PAM: variants seen among roughly 807,000 people sequenced by gnomAD.
The protein encoded by PAM is peptidylglycine alpha-amidating monooxygenase.
PAM carries 72 observed loss-of-function variants against 122.1 expected under a neutral mutation model. The ratio of observed to expected loss-of-function variants is 0.59; its 90% confidence interval spans 0.49 to 0.72. PAM has a LOEUF of 0.72. PAM is among the 30% of genes least tolerant of loss of function. The pLI is 0.00. For missense variants in PAM, 1,106 were observed against 1,183.7 expected, an observed-to-expected ratio of 0.93 and a Z score of 0.96; for synonymous variants, 389 against 404.4, an observed-to-expected ratio of 0.96 and a Z score of 0.46.
chr5:103,030,403 C>A (rs781068025), downstream of PAM: 2 of 152,196 alleles, frequency 1.3e-5, no homozygotes, highest in African/African-American at 2.4e-5. Context: ...TGATAGGAAT[C>A]TAAAACTCTT....
chr5:102,779,886 C>A (rs7715262), intron 1 of PAM, among the ~76,000 whole-genome samples: 1 of 81,050 alleles, frequency 1.2e-5, no homozygotes, highest in African/African-American at 5.4e-5. Flanking sequence ...CTCCCATATA[C>A]ATATATATAT....
chr5:103,000,065 C>T (rs1483672843), intron 16 of PAM, among the ~76,000 whole-genome samples: 1 of 152,164 alleles, frequency 6.6e-6, no homozygotes, highest in Non-Finnish European at 1.5e-5. Flanking sequence ...CCTTTATGCT[C>T]TGCTTCCCTT....
chr5:102,975,367 T>A (rs1767286216), intron 15 of PAM, among the ~76,000 whole-genome samples: 1 of 152,170 alleles, frequency 6.6e-6, no homozygotes, highest in South Asian at 2.1e-4. Context: ...TGAAAAAAAA[T>A]TAGCATGCAG....
intron 15 of PAM, chr5:102,987,471 G>C (rs1206835029): frequency 2.3e-6 from 1 of 438,552 alleles, no homozygotes; most frequent in South Asian, 1.7e-5. Flanking sequence ...TGATAGCACA[G>C]CAGGGTAAAT....
chr5:103,021,909 C>A (rs972872114), intron 23 of PAM, among the ~76,000 whole-genome samples: 81 of 151,996 alleles, frequency 5.3e-4, no homozygotes, highest in African/African-American at 1.9e-3. Context: ...TAACACTTAT[C>A]CCTACTATGA....
intron 1 of PAM, among the ~76,000 whole-genome samples, chr5:102,782,275 A>G (rs1227313893): frequency 2.6e-5 from 4 of 152,242 alleles, no homozygotes; most frequent in African/African-American, 9.6e-5. Flanking sequence ...AAGCACTTAA[A>G]GCAGAACTCT....
intron 15 of PAM, among the ~76,000 whole-genome samples, chr5:102,979,887 C>T (rs11960058): frequency 0.056 from 8,544 of 151,306 alleles, 760 homozygotes; most frequent in African/African-American, 0.19. Flanking sequence ...AATGTAAGGA[C>T]GTAAGGATTC....
At chr5:102,836,407 T>C (rs1777048742) in intron 1 of PAM, among the ~76,000 whole-genome samples, 1 of 152,184 alleles carries the variant, frequency 6.6e-6, no homozygotes, top group South Asian at 2.1e-4. Flanking sequence ...TTTTTAGTTT[T>C]GTTTGTAGAG....
At chr5:102,833,446 T>C (rs561285826) in intron 1 of PAM, among the ~76,000 whole-genome samples, 1 of 152,214 alleles carries the variant, frequency 6.6e-6, no homozygotes, top group African/African-American at 2.4e-5. Context: ...ATAAAACTTA[T>C]TACATGAAGG....
intron 5 of PAM, among the ~76,000 whole-genome samples, chr5:102,921,513 A>G (rs1747452660): frequency 6.6e-6 from 1 of 152,018 alleles, no homozygotes; most frequent in African/African-American, 2.4e-5. Context: ...GAGTTTTAGG[A>G]TTAGTTCCAA....
At chr5:103,016,249 T>C (rs943983385) in intron 21 of PAM, among the ~76,000 whole-genome samples, 2 of 152,214 alleles carry the variant, frequency 1.3e-5, no homozygotes, top group African/African-American at 4.8e-5. Flanking sequence ...TAAAGTACGA[T>C]AGTATCTCCA....
intron 1 of PAM, among the ~76,000 whole-genome samples, chr5:102,772,437 T>C (rs536187974): frequency 1.3e-5 from 2 of 152,222 alleles, no homozygotes; most frequent in Non-Finnish European, 2.9e-5. Context: ...TGTGGTTCTC[T>C]ACCAACACCA....
At chr5:102,946,920 C>G in intron 8 of PAM, 35 bp downstream of exon 8, 1 of 1,386,002 alleles carries the variant, frequency 7.2e-7, no homozygotes, top group Non-Finnish European at 1.0e-6. Context: ...GGAGCAGCAA[C>G]TTTAACATCT....
intron 17 of PAM, 118 bp downstream of exon 17, chr5:103,003,267 A>G: frequency 3.6e-6 from 2 of 552,946 alleles, no homozygotes; most frequent in Admixed American, 3.0e-5. Flanking sequence ...GCAGAAAACT[A>G]ACTGGGCCAT....
chr5:102,915,775 T>G (rs569330588), intron 5 of PAM, among the ~76,000 whole-genome samples: 9 of 152,284 alleles, frequency 5.9e-5, no homozygotes, highest in Middle Eastern at 3.4e-3. Context: ...ACTTAAATGC[T>G]ATTCCAGTTC....
At chr5:102,829,011 C>T (rs961000537) in intron 1 of PAM, among the ~76,000 whole-genome samples, 1 of 150,566 alleles carries the variant, frequency 6.6e-6, no homozygotes, top group Admixed American at 6.6e-5. Context: ...CTCAGCTTCC[C>T]GAGAAGCTGG....
intron 15 of PAM, 94 bp from the exon 16 acceptor site, chr5:102,990,178 A>T: frequency 1.2e-6 from 1 of 840,858 alleles, no homozygotes; most frequent in South Asian, 3.5e-5. Context: ...GCATCTAGTG[A>T]TGTTATTGCA....
intron 7 of PAM, among the ~76,000 whole-genome samples, chr5:102,932,867 A>G (rs929902438): frequency 1.9e-4 from 29 of 152,128 alleles, no homozygotes; most frequent in Non-Finnish European, 1.8e-4. Flanking sequence ...AGTTTTTAGG[A>G]GTACGTAGAG....
intron 20 of PAM, among the ~76,000 whole-genome samples, chr5:103,009,344 A>G (rs17154925): frequency 0.01 from 1,594 of 152,256 alleles, 25 homozygotes; most frequent in African/African-American, 0.037. Context: ...TTCTCCATGT[A>G]GCTATGGCAA....
Sources: gnomAD v4.1 joint callset for allele counts (sites outside exome capture counted in the v4.1 genomes callset) on GRCh38, gnomAD v4.1.1 for gene constraint, MANE v1.5 for transcripts, NCBI Gene and HGNC (gene_info 2026-07-23, HGNC 2026-07-21) for gene names.